WDR4: variants seen among roughly 807,000 people sequenced by gnomAD.
The protein encoded by WDR4 is tRNA (guanine-N(7)-)-methyltransferase non-catalytic subunit WDR4.
WDR4 carries 47 observed loss-of-function variants against 48.6 expected under a neutral mutation model. That is an observed-to-expected ratio of 0.97 (90% CI 0.77 to 1.23). WDR4 has a LOEUF of 1.23. Ranked by LOEUF, WDR4 falls within the 50% of genes most tolerant of loss-of-function variation. WDR4 has a pLI of 0.00. For synonymous variants in WDR4, 268 were observed against 230.0 expected, an observed-to-expected ratio of 1.17 and a Z score of -1.49; for missense variants, 606 against 551.6, an observed-to-expected ratio of 1.10 and a Z score of -0.99.
Position 42,857,629 on chromosome 21 carries a change from T to C in WDR4, c.628-1849A>G, listed in dbSNP as rs146907205. On this transcript the variant is annotated intron_variant, in intron 6 of 10. Coordinates refer to ENST00000398208, the MANE Select transcript of WDR4 (RefSeq NM_018669.6). ...AAGAGACACGTGCACTATCCGAGAATGGGTGGCTGCAAAAAAGAACGTGCC... is the reference window on the plus strand; with the variant it reads ...AAGAGACACGTGCACTATCCGAGAACGGGTGGCTGCAAAAAAGAACGTGCC... Among the ~76,000 whole-genome samples, 892 of 151,994 alleles carry C rather than the reference T, an allele frequency of 5.9e-3. 4 individuals are homozygous for C. The highest frequency in any genetic ancestry group is 8.2e-3 in the Non-Finnish European group (554 of 67,958).
the WDR4 span, among the ~76,000 whole-genome samples, chr21:42,886,585 A>G: frequency 6.6e-6 from 1 of 152,214 alleles, no homozygotes. Context: ...CAGTTTGCCC[A>G]CCACTTTGCC....
chr21:42,844,032 G>A (rs1387314294), intron 11 of WDR4, among the ~76,000 whole-genome samples: 1 of 152,032 alleles, frequency 6.6e-6, no homozygotes, highest in Non-Finnish European at 1.5e-5. Context: ...TTATAGAGAT[G>A]AAAAAACACA....
intron 2 of WDR4, among the ~76,000 whole-genome samples, chr21:42,875,530 G>C (rs1178854301): frequency 6.6e-6 from 1 of 152,118 alleles, no homozygotes; most frequent in Non-Finnish European, 1.5e-5. Flanking sequence ...ACTCCAGCCT[G>C]GCAACAGGGC....
intron 7 of WDR4, among the ~76,000 whole-genome samples, chr21:42,854,947 C>T (rs1312998556): frequency 2.0e-5 from 3 of 152,112 alleles, no homozygotes; most frequent in Non-Finnish European, 4.4e-5. Flanking sequence ...GAGAGCTACA[C>T]ATACAACTGC....
In WDR4 at chr21:42,863,998, T is replaced by C. The variant is rs1007732851; in HGVS notation, c.297-402A>G. 2.5e-4 allele frequency among the ~76,000 whole-genome samples: 20 copies of C among 78,872 alleles called. 4 individuals carry two copies. Among genetic ancestry groups the C allele is most frequent in the Admixed American group, 1.7e-3 (18 of 10,322 alleles). The allele number at this position is 78,872 out of a possible 152,430, so 51.7% of individuals were successfully genotyped here. On this transcript the variant is annotated intron_variant, in intron 3 of 10. Coordinates refer to ENST00000398208, the MANE Select transcript of WDR4 (RefSeq NM_018669.6). ...GGCGGGCGCCTGTAGTCCCAGCTAC[T>C]CGGGAGGCTGAGGCGGGAGAATGGC...
chr21:42,843,573 G>A (rs2057684930), intron 11 of WDR4, among the ~76,000 whole-genome samples: 1 of 134,744 alleles, frequency 7.4e-6, no homozygotes, highest in Non-Finnish European at 1.8e-5. Context: ...ACCACACCTG[G>A]CTAATTTTTT....
chr21:42,855,627 C>T lies in WDR4; in HGVS notation c.726+55G>A, dbSNP rs62215011. ...AAGTGACTTTTCCACTCAAGTCAGG[C>T]GACTGCCGGTGTCTACAAGCACTCA... On this transcript the variant is annotated intron_variant, in intron 7 of 10. Transcript: ENST00000398208. 7.4e-5 allele frequency: 100 copies of T among 1,349,232 alleles called. 1 individual carries two copies. The Admixed American group carries it at 1.3e-3, about 17-fold the overall frequency. 83.6% of individuals were successfully genotyped at this position (1,349,232 alleles called of 1,614,324 possible).
At position 42,850,224 on chromosome 21, in the gene WDR4, G is replaced by A. The variant is rs1315295858; in HGVS notation, c.1064C>T (p.Ala355Val). ...AMLEGSAGAD[A>V]SFSSLYKATF... ...GGCCTTGTAGAGACTGCTGAAGCTG[G>A]CGTCTGCGCCGGCAGAGCCTGTGAT... is the stretch of plus-strand genomic sequence containing the variant. The change falls in exon 11 of 11, where the codon GCC (alanine) becomes GTC (valine). Residue 355 changes from alanine to valine, a missense_variant. Physicochemically the swap from Ala to Val is moderately conservative, Grantham distance 64. Coordinates refer to ENST00000398208, the MANE Select transcript of WDR4 (RefSeq NM_018669.6). The A allele has an allele frequency of 1.3e-6, 2 of 1,599,750 alleles. No individual in the cohort carries two copies. The highest frequency in any genetic ancestry group is 1.8e-5 in the Admixed American group (1 of 57,114).
In WDR4 at chr21:42,864,304, G is replaced by A. The variant is rs60704323; in HGVS notation, c.297-708C>T. On this transcript the variant is annotated intron_variant, in intron 3 of 10. Transcript: ENST00000398208. ...GGAGACAACGGCCCTCTCCATAAAC[G>A]CTGAGTGTGCTGGGGGCCACTGTCA... 7.9e-4 allele frequency among the ~76,000 whole-genome samples: 120 copies of A among 151,854 alleles called. 2 individuals are homozygous for A. In the East Asian group the frequency reaches 0.02, roughly 25 times the overall value.
chr21:42,882,333 C>T (rs559733326), upstream of WDR4, among the ~76,000 whole-genome samples: 31 of 150,564 alleles, frequency 2.1e-4, no homozygotes, highest in South Asian at 6.3e-4. Flanking sequence ...GAGGCCAAGG[C>T]GAGCAGATCA....
upstream of WDR4, chr21:42,879,856 T>C (rs1443886035): frequency 2.5e-6 from 1 of 402,258 alleles, no homozygotes; most frequent in Non-Finnish European, 4.4e-6. Context: ...TGATGGCTAC[T>C]AGATGCCTGG....
At chr21:42,875,857 CCAGT>C (rs1305644994) in intron 2 of WDR4, among the ~76,000 whole-genome samples, 1 of 150,794 alleles carries the variant, frequency 6.6e-6, no homozygotes, top group East Asian at 1.9e-4. Context: ...CTTCAAGGAG[CCAGT>C]AAGATGTGAT....
At chr21:42,892,198 G>GATT in the WDR4 span, among the ~76,000 whole-genome samples, 1 of 150,278 alleles carries the variant, frequency 6.7e-6, no homozygotes, top group South Asian at 2.1e-4. Flanking sequence ...AGCTTGCAAT[G>GATT]AGCCAAGATG....
At chr21:42,876,211 C>G (rs2058487394) in intron 2 of WDR4, among the ~76,000 whole-genome samples, 1 of 67,572 alleles carries the variant, frequency 1.5e-5, no homozygotes. Context: ...GGCACTAACA[C>G]TGTACTCTTT....
chr21:42,875,312 G>A (rs1411292829), intron 2 of WDR4, among the ~76,000 whole-genome samples: 1 of 152,134 alleles, frequency 6.6e-6, no homozygotes, highest in Non-Finnish European at 1.5e-5. Flanking sequence ...AGCACTTTGG[G>A]AGGCCAAGGC....
At chr21:42,843,569 C>T (rs8128838) in intron 11 of WDR4, among the ~76,000 whole-genome samples, 1 of 150,016 alleles carries the variant, frequency 6.7e-6, no homozygotes, top group African/African-American at 2.4e-5. Context: ...TGCCACCACA[C>T]CTGGCTAATT....
chr21:42,867,509 C>T (rs1225080437), intron 3 of WDR4, among the ~76,000 whole-genome samples: 9 of 152,098 alleles, frequency 5.9e-5, no homozygotes, highest in South Asian at 2.1e-4. Flanking sequence ...ATGCTCGGGA[C>T]GAAAAGTGCT....
chr21:42,844,112 A>G (rs959980262), intron 11 of WDR4, among the ~76,000 whole-genome samples: 1 of 152,184 alleles, frequency 6.6e-6, no homozygotes, highest in Non-Finnish European at 1.5e-5. Context: ...AGACGTGGAA[A>G]CAGAATCTAC....
At chr21:42,881,454 T>C (rs1231216474), upstream of WDR4, among the ~76,000 whole-genome samples, 5 of 152,240 alleles carry the variant, frequency 3.3e-5, no homozygotes, top group Admixed American at 6.5e-5. Flanking sequence ...TCTCAACATA[T>C]TCAAGCAAAA....
Sources: gnomAD v4.1 joint callset for allele counts (sites outside exome capture counted in the v4.1 genomes callset) on GRCh38, gnomAD v4.1.1 for gene constraint, MANE v1.5 for transcripts, NCBI Gene and HGNC (gene_info 2026-07-23, HGNC 2026-07-21) for gene names.